The following RIOK1 variants were observed in gnomAD, a reference collection of about 807,000 sequenced individuals.
RIOK1 encodes the protein RIO kinase 1.
RIOK1 carries 66 observed loss-of-function variants against 73.5 expected under a neutral mutation model. That is an observed-to-expected ratio of 0.90 (90% confidence interval 0.74 to 1.10). RIOK1 has a LOEUF of 1.10. Ranked by LOEUF, RIOK1 falls within the 50% of genes least tolerant of loss-of-function variation. RIOK1 has a pLI of 0.00. For synonymous variants in RIOK1, 224 were observed against 226.8 expected (o/e 0.99, Z 0.11); for missense variants, 658 against 699.8 (o/e 0.94, Z 0.67).
At chr6:7,411,485 C>T (rs1272844530) in intron 14 of RIOK1, 34 bp downstream of exon 14, 6 of 1,611,990 alleles carry the variant, frequency 3.7e-6, no homozygotes, top group African/African-American at 1.3e-5. Flanking sequence ...GCAAGCAGCT[C>T]TTCAAAAGTA....
intron 12 of RIOK1, among the ~76,000 whole-genome samples, chr6:7,409,722 C>T (rs954565921): frequency 1.3e-5 from 2 of 149,864 alleles, no homozygotes; most frequent in Non-Finnish European, 3.0e-5. Context: ...CTGCTGGCCT[C>T]ACCTCCCAAA....
chr6:7,411,793 G>C (rs991810033), intron 14 of RIOK1, among the ~76,000 whole-genome samples: 1 of 152,142 alleles, frequency 6.6e-6, no homozygotes, highest in Admixed American at 6.5e-5. Flanking sequence ...TTGGTGAAGG[G>C]TCAGATAGTA....
chr6:7,402,332 TATAGTCTTACGGA>T (rs1481537862), intron 6 of RIOK1, among the ~76,000 whole-genome samples: 3 of 152,218 alleles, frequency 2.0e-5, no homozygotes, highest in Non-Finnish European at 2.9e-5. Flanking sequence ...AAATACCTGT[TATAGTCTTACGGA>T]ATCACCTCAT....
At chr6:7,390,778 A>G (rs1012330466) in intron 1 of RIOK1, among the ~76,000 whole-genome samples, 2 of 152,232 alleles carry the variant, frequency 1.3e-5, no homozygotes, top group African/African-American at 4.8e-5. Flanking sequence ...AGTGATGGTG[A>G]AAAGTTCAGA....
intron 13 of RIOK1, 88 bp downstream of exon 13, chr6:7,410,539 T>A: frequency 1.3e-6 from 1 of 795,298 alleles, no homozygotes; most frequent in Non-Finnish European, 2.1e-6. Flanking sequence ...AAACTTGATT[T>A]AAATAGATAA....
chr6:7,403,555 T>G (rs969464666), intron 8 of RIOK1, among the ~76,000 whole-genome samples: 1 of 152,240 alleles, frequency 6.6e-6, no homozygotes. Flanking sequence ...GAAAGTCTTT[T>G]GTGTTCAACA....
At position 7,396,391 on chromosome 6, in the gene RIOK1, C is replaced by T. The variant is rs1347222051; in HGVS notation, c.368-312C>T. 2.6e-5 allele frequency among the ~76,000 whole-genome samples: 4 copies of T among 152,142 alleles called. No homozygotes were observed. In the East Asian group the frequency reaches 7.7e-4, roughly 29 times the overall value. ...TTGAAATTCAGGCAGTTTTATTAGT[C>T]ATGTGGAGTACTAGCAAGTGTCTGA... On this transcript the variant is annotated intron_variant, in intron 3 of 16. Coordinates refer to ENST00000379834, the MANE Select transcript of RIOK1 (RefSeq NM_031480.3).
chr6:7,417,450 C>T lies in RIOK1; in HGVS notation c.*9C>T, dbSNP rs1316303381. ...CGAAAAAAGGCAAATAGAATGAGAA[C>T]CATATTATGTACAGTCATTTTCCTC... On this transcript the variant is annotated 3_prime_UTR_variant, in exon 17 of 17. Transcript: ENST00000379834. 2.0e-6 allele frequency: 3 copies of T among 1,469,942 alleles called. No individual in the cohort carries two copies. Among genetic ancestry groups the T allele is most frequent in the African/African-American group, 2.8e-5 (2 of 70,612 alleles). 91.1% of individuals were successfully genotyped at this position (1,469,942 alleles called of 1,614,324 possible).
intron 2 of RIOK1, among the ~76,000 whole-genome samples, chr6:7,394,674 AATTCTG>A (rs1761428545): frequency 6.6e-6 from 1 of 152,168 alleles, no homozygotes; most frequent in East Asian, 1.9e-4. Flanking sequence ...CCCAAAATGA[AATTCTG>A]AACCAGCTTA....
At chr6:7,405,575 A>C (rs533613870) in intron 12 of RIOK1, among the ~76,000 whole-genome samples, 1 of 152,294 alleles carries the variant, frequency 6.6e-6, no homozygotes, top group East Asian at 1.9e-4. Context: ...GTGCTCAAAA[A>C]GTTTCGGATT....
At chr6:7,393,791 G>A (rs911282869) in intron 2 of RIOK1, among the ~76,000 whole-genome samples, 1 of 152,176 alleles carries the variant, frequency 6.6e-6, no homozygotes, top group Non-Finnish European at 1.5e-5. Flanking sequence ...TTGACTTAGC[G>A]ATTCTGTGAG....
chr6:7,410,942 C>T (rs1192158703), intron 13 of RIOK1, among the ~76,000 whole-genome samples: 1 of 152,166 alleles, frequency 6.6e-6, no homozygotes, highest in Non-Finnish European at 1.5e-5. Flanking sequence ...ACCTTTTTCA[C>T]TGTAGCAGCT....
At chr6:7,405,785 TTTTTCC>T (rs1460792168) in intron 12 of RIOK1, among the ~76,000 whole-genome samples, 1 of 150,180 alleles carries the variant, frequency 6.7e-6, no homozygotes, top group Non-Finnish European at 1.5e-5. Context: ...GGGTTTTTTT[TTTTTCC>T]TTTTTTTTTT....
intron 4 of RIOK1, among the ~76,000 whole-genome samples, chr6:7,396,996 G>T (rs1761491554): frequency 6.6e-6 from 1 of 151,978 alleles, no homozygotes; most frequent in Admixed American, 6.6e-5. Context: ...GGGTGTGGTG[G>T]CTCATGCCTG....
intron 14 of RIOK1, 104 bp downstream of exon 14, chr6:7,411,555 C>A: frequency 8.3e-7 from 1 of 1,211,834 alleles, no homozygotes; most frequent in Non-Finnish European, 1.2e-6. Flanking sequence ...TGAATATTGG[C>A]TTCTGAGCTA....
At chr6:7,415,007 T>G (rs1466909765) in intron 16 of RIOK1, among the ~76,000 whole-genome samples, 1 of 152,238 alleles carries the variant, frequency 6.6e-6, no homozygotes, top group Non-Finnish European at 1.5e-5. Context: ...TCAGTTCAGC[T>G]GCTGTGATGT....
rs916060393 is a variant in RIOK1 at position 7,389,808 on chromosome 6, G to A, written c.-195G>A. The A allele has an allele frequency of 1.7e-6, 1 of 598,688 alleles. No homozygotes were observed. The highest frequency in any genetic ancestry group is 3.0e-6 in the Non-Finnish European group (1 of 333,554). 37.1% of individuals were successfully genotyped at this position (598,688 alleles called of 1,614,324 possible). On this transcript the variant is annotated 5_prime_UTR_variant, in exon 1 of 17. Transcript: ENST00000379834. Reference sequence around the variant, plus strand: ...TCAGACTTCCGGGCGAGGCGGTGAGGGGCTTCCGGTTGGGGTGGCAGGGTG... The same window carrying A: ...TCAGACTTCCGGGCGAGGCGGTGAGAGGCTTCCGGTTGGGGTGGCAGGGTG...
At chr6:7,402,759 C>A in intron 7 of RIOK1, 44 bp downstream of exon 7, 1 of 1,604,444 alleles carries the variant, frequency 6.2e-7, no homozygotes, top group Non-Finnish European at 8.5e-7. Flanking sequence ...TTTCTATTTC[C>A]TAAAACATTA....
At chr6:7,399,006 C>T (rs373448198) in intron 5 of RIOK1, among the ~76,000 whole-genome samples, 34 of 152,238 alleles carry the variant, frequency 2.2e-4, no homozygotes, top group African/African-American at 7.5e-4. Context: ...ATCAGACCAG[C>T]AATCTTTTAG....
Sources: gnomAD v4.1 joint callset for allele counts (sites outside exome capture counted in the v4.1 genomes callset) on GRCh38, gnomAD v4.1.1 for gene constraint, MANE v1.5 for transcripts, NCBI Gene and HGNC (gene_info 2026-07-23, HGNC 2026-07-21) for gene names.